The following B3GALT1 variants were observed in gnomAD, a reference collection of about 807,000 sequenced individuals.
B3GALT1 encodes UDP-Gal:betaGlcNAc beta 1,3-galactosyltransferase, polypeptide 1.
Under a neutral mutation model 23.2 loss-of-function variants are expected in B3GALT1, and 10 were observed. The ratio of observed to expected loss-of-function variants is 0.43; its 90% CI spans 0.27 to 0.73. The LOEUF (loss-of-function observed/expected upper bound fraction) is 0.73, where lower values mean the gene tolerates loss of function less well. Ranked by LOEUF, B3GALT1 falls within the 30% of genes least tolerant of loss-of-function variation. The probability of loss-of-function intolerance (pLI) is 0.21; values close to 1 mark genes in which losing one functional copy is unlikely to be tolerated. For missense variants in B3GALT1, 299 were observed against 405.4 expected (o/e 0.74, Z 2.25); for synonymous variants, 156 against 141.5 (o/e 1.10, Z -0.73).
In B3GALT1 at chr2:167,644,697, T is replaced by G. The variant is rs371421319; in HGVS notation, c.-409-2212T>G. Among the ~76,000 whole-genome samples the G allele has an allele frequency of 3.8e-3, 563 of 148,426 alleles. 5 individuals are homozygous for G. The highest frequency in any genetic ancestry group is 0.014 in the African/African-American group (541 of 39,706). Reference sequence around the variant, plus strand: ...CGGGAGGCTGAGGCAGGAGAATGGCTTGAACCCGGGAGGCGGAGCTTGCAG... The same window carrying G: ...CGGGAGGCTGAGGCAGGAGAATGGCGTGAACCCGGGAGGCGGAGCTTGCAG... On this transcript the variant is annotated intron_variant, in intron 2 of 4. Coordinates refer to ENST00000392690, the MANE Select transcript of B3GALT1 (RefSeq NM_020981.4).
At chr2:167,668,903 C>T (rs566421650) in intron 3 of B3GALT1, among the ~76,000 whole-genome samples, 5 of 152,288 alleles carry the variant, frequency 3.3e-5, no homozygotes, top group Admixed American at 2.0e-4. Context: ...AGAGATCACC[C>T]GTCTTCTGCG....
At chr2:167,677,053 G>A (rs551728117) in intron 3 of B3GALT1, among the ~76,000 whole-genome samples, 2 of 152,266 alleles carry the variant, frequency 1.3e-5, no homozygotes, top group South Asian at 2.1e-4. Flanking sequence ...GAATAAAATA[G>A]TGGTTATCAG....
intron 2 of B3GALT1, among the ~76,000 whole-genome samples, chr2:167,623,014 GA>G (rs897520242): frequency 6.7e-6 from 1 of 149,804 alleles, no homozygotes; most frequent in Non-Finnish European, 1.5e-5. Flanking sequence ...CTTTCCACTA[GA>G]AAAAAAAAGG....
chr2:167,813,393 T>C (rs975555084), intron 3 of B3GALT1, among the ~76,000 whole-genome samples: 2 of 152,210 alleles, frequency 1.3e-5, no homozygotes, highest in Admixed American at 6.5e-5. Context: ...GCCGATAGAA[T>C]AGATATAGTC....
At chr2:167,326,840 C>G (rs1405831427) in intron 1 of B3GALT1, among the ~76,000 whole-genome samples, 3 of 152,066 alleles carry the variant, frequency 2.0e-5, no homozygotes, top group Non-Finnish European at 4.4e-5. Flanking sequence ...CAGACATTCA[C>G]CACAACACCC....
At chr2:167,425,775 CA>C (rs1272088560) in intron 1 of B3GALT1, among the ~76,000 whole-genome samples, 1 of 152,102 alleles carries the variant, frequency 6.6e-6, no homozygotes, top group Non-Finnish European at 1.5e-5. Context: ...CGACTTTGTA[CA>C]TGACTTATAC....
chr2:167,356,821 A>G (rs1478332640), intron 1 of B3GALT1, among the ~76,000 whole-genome samples: 1 of 151,980 alleles, frequency 6.6e-6, no homozygotes, highest in Non-Finnish European at 1.5e-5. Context: ...AGACAGCAAC[A>G]TATTGTTAGT....
chr2:167,559,603 T>G (rs1159500026), intron 2 of B3GALT1, among the ~76,000 whole-genome samples: 1 of 152,076 alleles, frequency 6.6e-6, no homozygotes, highest in Non-Finnish European at 1.5e-5. Flanking sequence ...TACAGAGAAG[T>G]GCTTAAAGGA....
chr2:167,374,785 T>G (rs2105272024), intron 1 of B3GALT1, among the ~76,000 whole-genome samples: 1 of 152,146 alleles, frequency 6.6e-6, no homozygotes, highest in South Asian at 2.1e-4. Context: ...TCTCACATTC[T>G]GTAGGTTGTC....
At chr2:167,846,806 G>C (rs1689770007) in intron 4 of B3GALT1, among the ~76,000 whole-genome samples, 1 of 152,158 alleles carries the variant, frequency 6.6e-6, no homozygotes, top group African/African-American at 2.4e-5. Context: ...CCACTTAAAA[G>C]ATACAGAACC....
At chr2:167,740,046 C>T (rs1174437672) in intron 3 of B3GALT1, among the ~76,000 whole-genome samples, 4 of 151,350 alleles carry the variant, frequency 2.6e-5, no homozygotes, top group African/African-American at 9.7e-5. Flanking sequence ...CTGCAGTGAG[C>T]CATGATTGCA....
intron 4 of B3GALT1, among the ~76,000 whole-genome samples, chr2:167,860,841 T>C (rs551042081): frequency 1.1e-4 from 17 of 151,712 alleles, no homozygotes; most frequent in African/African-American, 3.6e-4. Flanking sequence ...CACCTGGTCT[T>C]AGGAAAAGAA....
chr2:167,746,886 C>T (rs963953809), intron 3 of B3GALT1, among the ~76,000 whole-genome samples: 7 of 152,118 alleles, frequency 4.6e-5, no homozygotes, highest in Admixed American at 2.0e-4. Flanking sequence ...AATTTGATCT[C>T]ACAGAGGTGT....
intron 3 of B3GALT1, among the ~76,000 whole-genome samples, chr2:167,771,312 G>A (rs374113665): frequency 1.2e-4 from 18 of 152,254 alleles, no homozygotes; most frequent in Admixed American, 3.9e-4. Flanking sequence ...CAAGTAGGCC[G>A]TGTGCAGTGG....
At chr2:167,425,557 T>C (rs1304356649) in intron 1 of B3GALT1, among the ~76,000 whole-genome samples, 1 of 152,250 alleles carries the variant, frequency 6.6e-6, no homozygotes, top group East Asian at 1.9e-4. Context: ...TAATTCTCCA[T>C]TTGCAAGCTG....
intron 2 of B3GALT1, among the ~76,000 whole-genome samples, chr2:167,553,840 T>G (rs1220795310): frequency 6.6e-6 from 1 of 152,114 alleles, no homozygotes; most frequent in East Asian, 1.9e-4. Context: ...TTTCAGAAAT[T>G]CAGAAAACAA....
At chr2:167,512,421 G>A (rs1203876507) in intron 2 of B3GALT1, among the ~76,000 whole-genome samples, 1 of 149,424 alleles carries the variant, frequency 6.7e-6, no homozygotes, top group Non-Finnish European at 1.5e-5. Context: ...AACCAACAAT[G>A]CTTTCCTGAA....
chr2:167,709,453 C>G (rs1256073183), intron 3 of B3GALT1, among the ~76,000 whole-genome samples: 1 of 152,182 alleles, frequency 6.6e-6, no homozygotes, highest in Non-Finnish European at 1.5e-5. Flanking sequence ...AACCCCTATT[C>G]TAACTGGTGC....
chr2:167,821,431 CTTTTTT>C (rs10573752), intron 4 of B3GALT1, among the ~76,000 whole-genome samples: 7 of 108,724 alleles, frequency 6.4e-5, no homozygotes, highest in African/African-American at 1.1e-4. Flanking sequence ...AAGGAAGGTA[CTTTTTT>C]TTTTTTTTTT....
Sources: gnomAD v4.1 joint callset for allele counts (sites outside exome capture counted in the v4.1 genomes callset) on GRCh38, gnomAD v4.1.1 for gene constraint, MANE v1.5 for transcripts, NCBI Gene and HGNC (gene_info 2026-07-23, HGNC 2026-07-21) for gene names.